VPS13B: variants seen among roughly 807,000 people sequenced by gnomAD.
VPS13B encodes the protein vacuolar protein sorting 13 homolog B, also known as intermembrane lipid transfer protein VPS13B.
A neutral mutation model predicts 426.4 loss-of-function variants in VPS13B; 285 were observed. The observed-to-expected ratio is 0.67, with a 90% CI of 0.61 to 0.74. The LOEUF (loss-of-function observed/expected upper bound fraction) is 0.74, where lower values mean the gene tolerates loss of function less well. Ranked by LOEUF, VPS13B falls within the 30% of genes least tolerant of loss-of-function variation. The probability of loss-of-function intolerance (pLI) is 0.00; values close to 1 mark genes in which losing one functional copy is unlikely to be tolerated. For missense variants in VPS13B, 4,537 were observed against 4,782.6 expected (o/e 0.95, Z 1.51); for synonymous variants, 1,676 against 1,676.4 (o/e 1.00, Z 0.01).
At chr8:99,560,878 A>G (rs1350735531) in intron 31 of VPS13B, among the ~76,000 whole-genome samples, 1 of 152,218 alleles carries the variant, frequency 6.6e-6, no homozygotes, top group Non-Finnish European at 1.5e-5. Flanking sequence ...TGTGTCTTAA[A>G]AATCACAAAT....
chr8:99,835,506 C>T, intron 53 of VPS13B, 33 bp from the exon 54 acceptor site: 1 of 1,603,678 alleles, frequency 6.2e-7, no homozygotes, highest in East Asian at 2.2e-5. Flanking sequence ...TCTTTAAGGG[C>T]TAATTCTGCA....
At chr8:99,224,214 T>C (rs892072128) in intron 17 of VPS13B, among the ~76,000 whole-genome samples, 6 of 152,212 alleles carry the variant, frequency 3.9e-5, no homozygotes, top group African/African-American at 9.6e-5. Context: ...GGGTTTTTTT[T>C]CTGAAACAAA....
At chr8:99,127,494 A>G (rs1382504858) in intron 8 of VPS13B, among the ~76,000 whole-genome samples, 1 of 152,168 alleles carries the variant, frequency 6.6e-6, no homozygotes, top group African/African-American at 2.4e-5. Context: ...TAATTTGCTC[A>G]GGCTTAACAT....
intron 8 of VPS13B, among the ~76,000 whole-genome samples, chr8:99,132,973 A>C (rs1028802053): frequency 2.7e-4 from 41 of 152,190 alleles, no homozygotes; most frequent in African/African-American, 9.2e-4. Flanking sequence ...CAGAATGGTA[A>C]ATGAACACTA....
chr8:99,146,725 A>T (rs7011067), intron 13 of VPS13B, among the ~76,000 whole-genome samples: 43,013 of 151,842 alleles, frequency 0.28, 7,095 homozygotes, highest in East Asian at 0.43. Context: ...GGTGTGCACC[A>T]CCAAGCCCAG....
chr8:99,684,807 TTTG>T (rs1831313363), intron 35 of VPS13B, among the ~76,000 whole-genome samples: 2 of 152,160 alleles, frequency 1.3e-5, no homozygotes, highest in South Asian at 4.1e-4. Context: ...TTTTTGTTTG[TTTG>T]TTTTTTGTTT....
In VPS13B at chr8:99,121,411, G is replaced by A; in HGVS notation, c.1172G>A (p.Gly391Glu). 2 of 1,614,134 alleles carry A rather than the reference G, an allele frequency of 1.2e-6. No individual in the cohort carries two copies. Among genetic ancestry groups the A allele is most frequent in the Non-Finnish European group, 1.7e-6 (2 of 1,180,022 alleles). ...TTGAAGGATCCTATTGTTTCTATAG[G>A]ATTTTATTGCACAAAGGCAACGGTG... The part of the protein sequence containing the change: ...QTLKDPIVSI[G>E]FYCTKATVTF... Residue 391 changes from glycine (G) to glutamate (E), a missense_variant, in exon 8 of 62, where the codon GGA becomes GAA. Gly to Glu is a moderately conservative substitution (Grantham distance 98). Around this residue, in one of 2 missense-constraint regions of VPS13B, gnomAD observed 4,311 missense variants for 4,474.3 expected, o/e 0.96. Coordinates refer to ENST00000357162, the MANE Select transcript of VPS13B (RefSeq NM_152564.5).
At chr8:99,050,335 T>C (rs1353684733) in intron 3 of VPS13B, among the ~76,000 whole-genome samples, 1 of 152,166 alleles carries the variant, frequency 6.6e-6, no homozygotes, top group African/African-American at 2.4e-5. Flanking sequence ...GTTTCCAGCT[T>C]CATCCATGTC....
Position 99,502,973 on chromosome 8 carries a change from A to G in VPS13B, c.4157+23A>G, listed in dbSNP as rs755704435. 3.9e-5 allele frequency: 60 copies of G among 1,524,790 alleles called. No homozygotes were observed. The Admixed American group carries it at 9.7e-4, about 25-fold the overall frequency. The allele number at this position is 1,524,790 out of a possible 1,614,324, so 94.5% of individuals were successfully genotyped here. On this transcript the variant is annotated intron_variant, in intron 27 of 61. Transcript: ENST00000357162. ...CAGGTAAATAATGAATAATGAATAT[A>G]AGAAAATCTGTATTTTTCTTTGAAC... is the stretch of plus-strand genomic sequence containing the variant.
chr8:99,249,141 T>G (rs1321204599), intron 17 of VPS13B, among the ~76,000 whole-genome samples: 1 of 129,798 alleles, frequency 7.7e-6, no homozygotes, highest in Non-Finnish European at 1.8e-5. Flanking sequence ...AATCATATAT[T>G]AATATTATGT....
intron 2 of VPS13B, among the ~76,000 whole-genome samples, chr8:99,033,895 CA>C (rs896043803): frequency 7.4e-4 from 108 of 146,170 alleles, no homozygotes; most frequent in Non-Finnish European, 1.0e-3. Flanking sequence ...GACTCCATCT[CA>C]AAAAAAAAAA....
At chr8:99,275,348 T>C in intron 19 of VPS13B, 94 bp downstream of exon 19, 1 of 1,264,900 alleles carries the variant, frequency 7.9e-7, no homozygotes, top group Non-Finnish European at 1.1e-6. Context: ...TTTTTTTTTT[T>C]AGGTATTTTT....
chr8:99,546,899 T>A (rs966373981), intron 30 of VPS13B, among the ~76,000 whole-genome samples: 1 of 152,104 alleles, frequency 6.6e-6, no homozygotes, highest in Admixed American at 6.6e-5. Context: ...CAGTTTAATT[T>A]AGCCACAATT....
In VPS13B at chr8:99,562,363, C is replaced by A. The variant is rs111885355; in HGVS notation, c.4949+5710C>A. Among the ~76,000 whole-genome samples, 280 of 152,048 alleles carry A rather than the reference C, an allele frequency of 1.8e-3. 1 individual carries two copies. The highest frequency in any genetic ancestry group is 6.4e-3 in the African/African-American group (266 of 41,474). On this transcript the variant is annotated intron_variant, in intron 31 of 61. Coordinates refer to ENST00000357162, the MANE Select transcript of VPS13B (RefSeq NM_152564.5). ...TGGTATGATCTCAGCCCACTGTAAC[C>A]TCTGCCTCCTGGGTTCAACCCATTT...
Position 99,147,906 on chromosome 8 carries a change from C to T in VPS13B, c.1909C>T (p.Pro637Ser). The T allele has an allele frequency of 6.2e-7, 1 of 1,613,034 alleles. No homozygotes were observed. The highest frequency in any genetic ancestry group is 8.5e-7 in the Non-Finnish European group (1 of 1,179,558). ...EEVALLEEYI[P>S]TRHTSVTLLK... ...GGTGGCTCTTCTGGAGGAATATATT[C>T]CTACTCGACATACAAGTGTTACTCT... The change falls in exon 14 of 62, where the codon CCT (proline) becomes TCT (serine). Residue 637 changes from proline to serine, a missense_variant. By Grantham distance (74) the Pro-to-Ser change is moderately conservative. Transcript: ENST00000357162.
intron 8 of VPS13B, among the ~76,000 whole-genome samples, chr8:99,129,717 A>AT (rs1330212313): frequency 6.6e-6 from 1 of 151,934 alleles, no homozygotes; most frequent in Non-Finnish European, 1.5e-5. Flanking sequence ...CTTTCTGGTG[A>AT]TTTTTTCCTG....
intron 17 of VPS13B, among the ~76,000 whole-genome samples, chr8:99,267,711 G>A (rs1818378354): frequency 6.6e-6 from 1 of 150,962 alleles, no homozygotes; most frequent in Non-Finnish European, 1.5e-5. Flanking sequence ...TGGCGACAGA[G>A]TGAGACTCCG....
intron 35 of VPS13B, among the ~76,000 whole-genome samples, chr8:99,679,937 C>T (rs1831091664): frequency 6.6e-6 from 1 of 152,106 alleles, no homozygotes; most frequent in Non-Finnish European, 1.5e-5. Flanking sequence ...ATAAGGTCAA[C>T]CTTGATTATG....
At chr8:99,475,080 G>A (rs1001982770) in intron 24 of VPS13B, among the ~76,000 whole-genome samples, 2 of 152,116 alleles carry the variant, frequency 1.3e-5, no homozygotes, top group African/African-American at 4.8e-5. Flanking sequence ...CTGACTGAAA[G>A]AAGCCAAGTG....
Sources: allele counts gnomAD v4.1 joint callset (sites outside exome capture counted in the v4.1 genomes callset), GRCh38; gene constraint gnomAD v4.1.1; regional missense constraint gnomAD v4.1.1; transcripts MANE v1.5; gene names NCBI Gene and HGNC (gene_info 2026-07-23, HGNC 2026-07-21).